LRRTM4: variants seen among roughly 807,000 people sequenced by gnomAD.
LRRTM4 encodes leucine rich repeat transmembrane neuronal 4.
In LRRTM4, 25 loss-of-function variants were observed where a neutral mutation model predicts 47.6. The ratio of observed to expected loss-of-function variants is 0.53; its 90% CI spans 0.38 to 0.73. The LOEUF is 0.73. Ranked by LOEUF, LRRTM4 falls within the 30% of genes least tolerant of loss-of-function variation. LRRTM4 has a pLI of 0.00. For missense variants in LRRTM4, 638 were observed against 713.4 expected, an observed-to-expected ratio of 0.89 and a Z score of 1.20; for synonymous variants, 311 against 269.5, an observed-to-expected ratio of 1.15 and a Z score of -1.51.
At chr2:76,873,506 G>GTGTATATATATATATATATATATATA (rs367573475) in intron 3 of LRRTM4, among the ~76,000 whole-genome samples, 2 of 112,312 alleles carry the variant, frequency 1.8e-5, no homozygotes, top group African/African-American at 6.5e-5. Flanking sequence ...ATATATGTGT[G>GTGTATATATATATATATATATATATA]TATATATATA....
chr2:76,968,445 T>C (rs1218450095), intron 3 of LRRTM4, among the ~76,000 whole-genome samples: 1 of 148,132 alleles, frequency 6.8e-6, no homozygotes, highest in African/African-American at 2.5e-5. Context: ...GCATTCCCTT[T>C]TCTCTCTCTG....
intron 3 of LRRTM4, among the ~76,000 whole-genome samples, chr2:76,916,403 A>G (rs199679451): frequency 1.0e-4 from 14 of 138,574 alleles, no homozygotes; most frequent in East Asian, 2.8e-4. Flanking sequence ...AAAAAAAAAA[A>G]AAAAGAAAAG....
intron 3 of LRRTM4, among the ~76,000 whole-genome samples, chr2:77,079,556 G>A (rs1323608642): frequency 3.9e-5 from 6 of 152,118 alleles, no homozygotes; most frequent in East Asian, 1.9e-4. Flanking sequence ...TATTGCTAGT[G>A]TTAGTGTATT....
rs1429943185 is a variant in LRRTM4 at position 76,968,332 on chromosome 2, G to GTATGTGTGTATATATA, written c.1552-219432_1552-219417dup. Among the ~76,000 whole-genome samples, 5 of 114,986 alleles carry GTATGTGTGTATATATA rather than the reference G, an allele frequency of 4.3e-5. No homozygotes were observed. In the East Asian group the frequency reaches 8.4e-4, roughly 19 times the overall value. 75.4% of individuals were successfully genotyped at this position (114,986 alleles called of 152,430 possible). A position where few individuals can be genotyped will look rare whatever the true frequency, so the allele number is the denominator to read the frequency against. Reference sequence around the variant, plus strand: ...TGGTAAAATGTAAATACAAAAGTGTGTATGTGTGTATATATATATATATAT... The same window carrying GTATGTGTGTATATATA: ...TGGTAAAATGTAAATACAAAAGTGTGTATGTGTGTATATATATATGTGTGTATATATATATATATAT... On this transcript the variant is annotated intron_variant, in intron 3 of 3. Coordinates refer to ENST00000409884, the MANE Select transcript of LRRTM4 (RefSeq NM_001134745.3).
chr2:77,262,056 C>A (rs1675931899), intron 3 of LRRTM4, among the ~76,000 whole-genome samples: 1 of 152,064 alleles, frequency 6.6e-6, no homozygotes, highest in African/African-American at 2.4e-5. Flanking sequence ...CTATTGTGAA[C>A]TGAGCATGCA....
At chr2:77,335,292 C>G (rs569314830) in intron 3 of LRRTM4, among the ~76,000 whole-genome samples, 2 of 152,154 alleles carry the variant, frequency 1.3e-5, no homozygotes, top group Non-Finnish European at 2.9e-5. Context: ...GCTGAACAAT[C>G]TGGTTCCTGT....
chr2:76,814,781 A>AT (rs1173680306), intron 3 of LRRTM4, among the ~76,000 whole-genome samples: 1 of 151,190 alleles, frequency 6.6e-6, no homozygotes, highest in African/African-American at 2.4e-5. Flanking sequence ...GCAATACTAA[A>AT]ATGGCTTCAA....
intron 3 of LRRTM4, among the ~76,000 whole-genome samples, chr2:77,040,829 G>A (rs1322999786): frequency 6.6e-6 from 1 of 151,362 alleles, no homozygotes; most frequent in African/African-American, 2.4e-5. Context: ...TATACATATT[G>A]ATGGGGTAAA....
At chr2:77,521,949 T>C in intron 1 of LRRTM4, 131 bp from the exon 2 acceptor site, 1 of 541,840 alleles carries the variant, frequency 1.8e-6, no homozygotes, top group South Asian at 2.5e-5. Context: ...GTTGGGGGGA[T>C]AGGGATGGGG....
chr2:77,517,679 G>A, intron 3 of LRRTM4: 2 of 955,610 alleles, frequency 2.1e-6, no homozygotes, highest in Non-Finnish European at 2.5e-6. Context: ...GTGAAAGAAA[G>A]TAGGAAAGAA....
intron 3 of LRRTM4, among the ~76,000 whole-genome samples, chr2:77,127,671 C>T (rs1276313740): frequency 6.6e-6 from 1 of 152,150 alleles, no homozygotes. Context: ...TATAAGCAGT[C>T]TTACCAATGG....
intron 3 of LRRTM4, among the ~76,000 whole-genome samples, chr2:77,188,172 C>T (rs1673563613): frequency 6.6e-6 from 1 of 152,178 alleles, no homozygotes; most frequent in Admixed American, 6.5e-5. Flanking sequence ...TCTATCCTAT[C>T]AAAGACCAAT....
intron 3 of LRRTM4, among the ~76,000 whole-genome samples, chr2:76,781,603 C>T (rs1321215637): frequency 6.6e-6 from 1 of 152,250 alleles, no homozygotes; most frequent in East Asian, 1.9e-4. Context: ...ATGCCTCGCC[C>T]TGCTTCGGCT....
Position 76,877,613 on chromosome 2 carries a change from G to A in LRRTM4, c.1552-128697C>T, listed in dbSNP as rs2104087940. The stretch of plus-strand genomic sequence containing the variant: ...ATTTAATTATTTCGGTTTATTTCAG[G>A]AATATATAACAAGAAAATTGACTAT... On this transcript the variant is annotated intron_variant, in intron 3 of 3. Coordinates refer to ENST00000409884, the MANE Select transcript of LRRTM4 (RefSeq NM_001134745.3). Among the ~76,000 whole-genome samples the A allele has an allele frequency of 1.3e-5, 2 of 151,988 alleles. 1 individual carries two copies. The highest frequency in any genetic ancestry group is 4.2e-4 in the South Asian group (2 of 4,814).
intron 3 of LRRTM4, among the ~76,000 whole-genome samples, chr2:77,085,208 T>A (rs565945066): frequency 3.3e-4 from 50 of 152,156 alleles, no homozygotes; most frequent in Non-Finnish European, 5.9e-4. Context: ...TTATTTTATT[T>A]CATTTTATAT....
intron 3 of LRRTM4, among the ~76,000 whole-genome samples, chr2:76,899,618 T>C (rs1324363724): frequency 6.6e-6 from 1 of 152,074 alleles, no homozygotes; most frequent in Non-Finnish European, 1.5e-5. Context: ...GAAGTTAGTG[T>C]AGCTGAAAGG....
intron 3 of LRRTM4, among the ~76,000 whole-genome samples, chr2:77,212,614 T>C (rs1174845796): frequency 1.3e-5 from 2 of 150,534 alleles, no homozygotes; most frequent in South Asian, 2.1e-4. Context: ...CAAATGGTGG[T>C]ATAGAAATTT....
intron 3 of LRRTM4, among the ~76,000 whole-genome samples, chr2:77,274,050 T>C (rs909328636): frequency 3.3e-5 from 5 of 152,104 alleles, no homozygotes; most frequent in Admixed American, 3.3e-4. Context: ...GAATCCTTTA[T>C]GTTCACTCTG....
At chr2:77,479,144 T>C (rs1406759252) in intron 3 of LRRTM4, among the ~76,000 whole-genome samples, 3 of 152,056 alleles carry the variant, frequency 2.0e-5, no homozygotes, top group African/African-American at 7.2e-5. Flanking sequence ...GATCCACCTG[T>C]CTCGGCCCCC....
Sources: gnomAD v4.1 joint callset for allele counts (sites outside exome capture counted in the v4.1 genomes callset) on GRCh38, gnomAD v4.1.1 for gene constraint, MANE v1.5 for transcripts, NCBI Gene and HGNC (gene_info 2026-07-23, HGNC 2026-07-21) for gene names.